The following IST1 variants were observed in gnomAD, a reference collection of about 807,000 sequenced individuals.
IST1 encodes the protein IST1 homolog.
Under a neutral mutation model 37.0 loss-of-function variants are expected in IST1, and 23 were observed. That is an observed-to-expected ratio of 0.62 (90% CI 0.45 to 0.88). The LOEUF is 0.88. Ranked by LOEUF, IST1 falls within the 40% of genes least tolerant of loss-of-function variation. IST1 has a pLI of 0.00. For synonymous variants in IST1, 180 were observed against 161.7 expected, an observed-to-expected ratio of 1.11 and a Z score of -0.86; for missense variants, 488 against 445.4, an observed-to-expected ratio of 1.10 and a Z score of -0.86.
At chr16:71,898,896 C>T (rs1465183180) in intron 1 of IST1, among the ~76,000 whole-genome samples, 8 of 146,188 alleles carry the variant, frequency 5.5e-5, no homozygotes, top group African/African-American at 1.5e-4. Flanking sequence ...ACCTAGGAGG[C>T]GGAGATTGCA....
At chr16:71,905,767 T>G (rs2037210238) in intron 1 of IST1, among the ~76,000 whole-genome samples, 1 of 152,350 alleles carries the variant, frequency 6.6e-6, no homozygotes, top group African/African-American at 2.4e-5. Context: ...ATGATCTCTT[T>G]ACCCTTCTTC....
Position 71,921,295 on chromosome 16 carries a change from G to C in IST1, c.442-48G>C, listed in dbSNP as rs553239269. On this transcript the variant is annotated intron_variant, in intron 5 of 9. Transcript: ENST00000378799. ...ACTTCGCATAGTGAGGTGAGGATTAGGCTGGTTGGTATACATGCATCTTAG... is the reference window on the plus strand; with the variant it reads ...ACTTCGCATAGTGAGGTGAGGATTACGCTGGTTGGTATACATGCATCTTAG... 2.3e-5 allele frequency: 25 copies of C among 1,108,710 alleles called. No homozygotes were observed. In the African/African-American group the frequency reaches 3.4e-4, roughly 15 times the overall value. 68.7% of individuals were successfully genotyped at this position (1,108,710 alleles called of 1,614,324 possible).
chr16:71,921,064 G>T lies in IST1; in HGVS notation c.441+242G>T, dbSNP rs1597252945. 5 of 606,240 alleles carry T rather than the reference G, an allele frequency of 8.2e-6. No individual in the cohort carries two copies. In the East Asian group the frequency reaches 1.4e-4, roughly 17 times the overall value. The allele number at this position is 606,240 out of a possible 1,614,324, so 37.6% of individuals were successfully genotyped here. ...TTGTATGCCTCGTGTCATTTGTGAAGGTTGGAAGTGAGGTGGGGAGAAGGG... is the reference window on the plus strand; with the variant it reads ...TTGTATGCCTCGTGTCATTTGTGAATGTTGGAAGTGAGGTGGGGAGAAGGG... On this transcript the variant is annotated intron_variant, in intron 5 of 9. Transcript: ENST00000378799.
intron 7 of IST1, 67 bp from the exon 8 acceptor site, chr16:71,923,221 C>T: frequency 2.4e-6 from 2 of 827,466 alleles, no homozygotes; most frequent in East Asian, 2.5e-5. Context: ...TCTCCCTTCC[C>T]ATACCCAAAC....
Position 71,923,337 on chromosome 16 carries a change from T to C in IST1, c.809T>C (p.Ile270Thr). Reference sequence around the variant, plus strand: ...GGGACTTATCAGGCCTTTCCCAATATTCATCCACCTCAGATACCAGCAACT... The same window carrying C: ...GGGACTTATCAGGCCTTTCCCAATACTCATCCACCTCAGATACCAGCAACT... ...PMGTYQAFPNIHPPQIPATPP... is the reference protein window; with the variant it reads ...PMGTYQAFPNTHPPQIPATPP... Residue 270 changes from isoleucine (I) to threonine (T), a missense_variant, in exon 8 of 10, where the codon ATT (isoleucine) becomes ACT (threonine). Coordinates refer to ENST00000378799, the MANE Select transcript of IST1 (RefSeq NM_001270975.2). The C allele has an allele frequency of 1.2e-6, 2 of 1,612,866 alleles. No homozygotes were observed. The highest frequency in any genetic ancestry group is 1.7e-6 in the Non-Finnish European group (2 of 1,178,936).
intron 4 of IST1, among the ~76,000 whole-genome samples, chr16:71,917,392 G>A (rs1043566224): frequency 6.6e-6 from 1 of 152,122 alleles, no homozygotes; most frequent in Non-Finnish European, 1.5e-5. Flanking sequence ...TTAACTCTAT[G>A]CAAATAGAAA....
chr16:71,921,550 T>C, intron 6 of IST1, 97 bp downstream of exon 6: 1 of 727,920 alleles, frequency 1.4e-6, no homozygotes, highest in Non-Finnish European at 2.4e-6. Flanking sequence ...TAAATTTGTG[T>C]GAGTTTAAGC....
At chr16:71,910,245 C>G (rs1291565110) in intron 1 of IST1, among the ~76,000 whole-genome samples, 1 of 152,090 alleles carries the variant, frequency 6.6e-6, no homozygotes, top group East Asian at 1.9e-4. Flanking sequence ...ACCCCTTTGT[C>G]CAGCATATCC....
At chr16:71,905,417 T>A (rs568569852) in intron 1 of IST1, among the ~76,000 whole-genome samples, 1 of 149,590 alleles carries the variant, frequency 6.7e-6, no homozygotes, top group East Asian at 2.0e-4. Flanking sequence ...TCACTCTCGT[T>A]GCCCAGGCTG....
chr16:71,910,802 TATTC>T (rs1480083045), intron 1 of IST1, among the ~76,000 whole-genome samples: 1 of 151,594 alleles, frequency 6.6e-6, no homozygotes, highest in Non-Finnish European at 1.5e-5. Context: ...TTTTTGTAAA[TATTC>T]ATCAATTTGG....
chr16:71,922,714 A>G (rs1428993436), intron 7 of IST1, 34 bp downstream of exon 7: 2 of 1,176,722 alleles, frequency 1.7e-6, no homozygotes, highest in Non-Finnish European at 2.3e-6. Flanking sequence ...TAAGCTTTAG[A>G]AAATGTTATA....
intron 1 of IST1, among the ~76,000 whole-genome samples, chr16:71,914,048 T>C (rs1325961194): frequency 2.6e-5 from 4 of 152,122 alleles, no homozygotes; most frequent in Non-Finnish European, 5.9e-5. Flanking sequence ...CCTCAGGTGA[T>C]CCACCCACCT....
At chr16:71,919,236 C>G (rs903913853) in intron 4 of IST1, among the ~76,000 whole-genome samples, 22 of 152,190 alleles carry the variant, frequency 1.4e-4, no homozygotes, top group African/African-American at 5.3e-4. Flanking sequence ...TTTTTCATTT[C>G]TTACCACACT....
Position 71,928,667 on chromosome 16 carries a change from A to C in IST1, c.*854A>C, listed in dbSNP as rs1431442335. 6.6e-6 allele frequency: 1 copy of C among 152,654 alleles called. No individual in the cohort carries two copies. Among genetic ancestry groups the C allele is most frequent in the Non-Finnish European group, 1.5e-5 (1 of 68,036 alleles). 9.5% of individuals were successfully genotyped at this position (152,654 alleles called of 1,614,324 possible). On this transcript the variant is annotated 3_prime_UTR_variant, in exon 10 of 10. Coordinates refer to ENST00000378799, the MANE Select transcript of IST1 (RefSeq NM_001270975.2). ...TCAAGTCTTTTGGGTAGTGAGCTGG[A>C]AAGCCTACAGGAAAAGAGGGGTACC...
At chr16:71,922,814 ATCTTGTGGGG>A in intron 7 of IST1, 134 bp downstream of exon 7, 2 of 712,274 alleles carry the variant, frequency 2.8e-6, no homozygotes, top group Non-Finnish European at 4.7e-6. Flanking sequence ...GCTGGCAGTC[ATCTTGTGGGG>A]AAAAAACACA....
At chr16:71,906,002 CTTT>C (rs35581900) in intron 1 of IST1, among the ~76,000 whole-genome samples, 6 of 127,704 alleles carry the variant, frequency 4.7e-5, no homozygotes, top group Non-Finnish European at 3.3e-5. Context: ...TTAAGCAATT[CTTT>C]TTTTTTTTTT....
At chr16:71,909,284 A>G (rs145111949) in intron 1 of IST1, among the ~76,000 whole-genome samples, 292 of 151,814 alleles carry the variant, frequency 1.9e-3, no homozygotes, top group Admixed American at 3.0e-3. Flanking sequence ...ATTTCTAAAT[A>G]TTCTGTAGAG....
intron 1 of IST1, among the ~76,000 whole-genome samples, chr16:71,900,435 G>T (rs1020523166): frequency 7.0e-6 from 1 of 143,084 alleles, no homozygotes; most frequent in Middle Eastern, 3.6e-3. Flanking sequence ...CAGCAGTTCT[G>T]ATTCTTTTCC....
At chr16:71,919,681 G>C (rs1357872116) in intron 4 of IST1, among the ~76,000 whole-genome samples, 1 of 152,244 alleles carries the variant, frequency 6.6e-6, no homozygotes, top group South Asian at 2.1e-4. Context: ...CATGAGCCAC[G>C]ATGCCTGGCC....
Sources: gnomAD v4.1 joint callset for allele counts (sites outside exome capture counted in the v4.1 genomes callset) on GRCh38, gnomAD v4.1.1 for gene constraint, MANE v1.5 for transcripts, NCBI Gene and HGNC (gene_info 2026-07-23, HGNC 2026-07-21) for gene names.